The following SAMMSON variants were observed in gnomAD, a reference collection of about 807,000 sequenced individuals.
SAMMSON encodes the protein survival associated mitochondrial melanoma specific oncogenic non-coding RNA.
intron 2 of SAMMSON, among the ~76,000 whole-genome samples, chr3:70,397,424 C>G (rs976260578): frequency 2.0e-5 from 3 of 152,076 alleles, no homozygotes; most frequent in Admixed American, 1.3e-4. Context: ...TCCACTCAGT[C>G]TCCCAAGTAG....
At chr3:70,147,249 T>G (rs2067552759) in intron 4 of SAMMSON, among the ~76,000 whole-genome samples, 1 of 152,106 alleles carries the variant, frequency 6.6e-6, no homozygotes, top group Non-Finnish European at 1.5e-5. Context: ...ATTTCCTAAT[T>G]GATCTATAGA....
In SAMMSON at chr3:70,227,969, G is replaced by T. The variant is rs1022486196; in HGVS notation, n.508-21138G>T. Reference sequence around the variant, plus strand: ...ATAGGTGAATAGTATAACATTCATAGTAAGTATAATATAATAAATAATATT... The same window carrying T: ...ATAGGTGAATAGTATAACATTCATATTAAGTATAATATAATAAATAATATT... On this transcript the variant is annotated intron_variant and non_coding_transcript_variant, in intron 4 of 9. Transcript: ENST00000642114. Among the ~76,000 whole-genome samples the T allele has an allele frequency of 2.0e-5, 3 of 151,682 alleles. No homozygotes were observed. The South Asian group carries it at 6.2e-4, about 31-fold the overall frequency.
chr3:70,009,562 A>G (rs2066945022), intron 1 of SAMMSON, among the ~76,000 whole-genome samples: 1 of 151,848 alleles, frequency 6.6e-6, no homozygotes, highest in South Asian at 2.1e-4. Flanking sequence ...CAGTCTATCA[A>G]TTTTGTTGAT....
chr3:70,252,308 A>G (rs1394425429), intron 6 of SAMMSON, among the ~76,000 whole-genome samples: 2 of 152,136 alleles, frequency 1.3e-5, no homozygotes, highest in East Asian at 1.9e-4. Flanking sequence ...CCATTGGTGT[A>G]TGGTGTGGCG....
intron 4 of SAMMSON, among the ~76,000 whole-genome samples, chr3:70,240,149 C>A (rs552244846): frequency 6.6e-6 from 1 of 151,882 alleles, no homozygotes; most frequent in Non-Finnish European, 1.5e-5. Context: ...AAATAAGAGA[C>A]GTATTTTAAA....
At chr3:70,175,804 A>T (rs964760008) in intron 4 of SAMMSON, among the ~76,000 whole-genome samples, 2 of 152,102 alleles carry the variant, frequency 1.3e-5, no homozygotes, top group African/African-American at 4.8e-5. Context: ...TCCTAGCACA[A>T]AATTTCTCTC....
intron 4 of SAMMSON, among the ~76,000 whole-genome samples, chr3:70,148,337 C>A (rs2067557467): frequency 6.6e-6 from 1 of 152,060 alleles, no homozygotes; most frequent in Non-Finnish European, 1.5e-5. Context: ...GAATTATTAT[C>A]CTCAGAATGA....
chr3:70,391,122 G>T (rs767314433), downstream of SAMMSON, among the ~76,000 whole-genome samples: 1 of 152,116 alleles, frequency 6.6e-6, no homozygotes, highest in Admixed American at 6.6e-5. Flanking sequence ...CTTCACCTTC[G>T]CAGCTGAGAC....
chr3:70,016,199 A>G (rs2066984352), intron 3 of SAMMSON, among the ~76,000 whole-genome samples: 1 of 152,080 alleles, frequency 6.6e-6, no homozygotes, highest in Non-Finnish European at 1.5e-5. Context: ...AAGTGTTCCT[A>G]TTTCTCCACA....
intron 2 of SAMMSON, among the ~76,000 whole-genome samples, chr3:70,433,647 A>C (rs1417522145): frequency 6.6e-6 from 1 of 152,096 alleles, no homozygotes; most frequent in Non-Finnish European, 1.5e-5. Flanking sequence ...AGAAGTTTTA[A>C]AATTTTAATG....
At chr3:70,347,137 C>G (rs1025743292) in intron 7 of SAMMSON, among the ~76,000 whole-genome samples, 1 of 152,154 alleles carries the variant, frequency 6.6e-6, no homozygotes, top group African/African-American at 2.4e-5. Context: ...AATTTAATAG[C>G]AAACCAGACT....
At chr3:70,370,398 G>A (rs548222246) in intron 9 of SAMMSON, among the ~76,000 whole-genome samples, 7 of 151,744 alleles carry the variant, frequency 4.6e-5, no homozygotes, top group African/African-American at 1.4e-4. Flanking sequence ...GGTTTTCCGT[G>A]GTGGGTTCTA....
intron 4 of SAMMSON, among the ~76,000 whole-genome samples, chr3:70,140,893 T>C (rs999089466): frequency 1.3e-5 from 2 of 152,206 alleles, no homozygotes. Flanking sequence ...ACCAACGTTC[T>C]GTTCGTGACC....
At chr3:70,337,038 CT>C (rs970898936) in intron 7 of SAMMSON, among the ~76,000 whole-genome samples, 3 of 128,946 alleles carry the variant, frequency 2.3e-5, no homozygotes, top group East Asian at 2.0e-4. Flanking sequence ...ATAATAATAT[CT>C]AACTTAATAT....
intron 1 of SAMMSON, among the ~76,000 whole-genome samples, chr3:70,005,704 T>C (rs1168791814): frequency 1.3e-5 from 2 of 152,138 alleles, no homozygotes; most frequent in African/African-American, 4.8e-5. Flanking sequence ...TGGAGGGAAG[T>C]CGTCTTTGGA....
At chr3:70,048,233 A>T (rs2107588514) in intron 3 of SAMMSON, among the ~76,000 whole-genome samples, 1 of 152,202 alleles carries the variant, frequency 6.6e-6, no homozygotes, top group East Asian at 1.9e-4. Context: ...ATCTAGTGGA[A>T]AGGGCAAACT....
In SAMMSON at chr3:70,315,852, A is replaced by G. The variant is rs1702490319; in HGVS notation, n.739+24609A>G. 2.0e-5 allele frequency among the ~76,000 whole-genome samples: 3 copies of G among 152,136 alleles called. No individual in the cohort carries two copies. In the South Asian group the frequency reaches 6.2e-4, roughly 32 times the overall value. ...CAAGCCAGCCTAGGACATCAGGCAA[A>G]TCTGATTAGAATCCAAGAAGAGTAA... On this transcript the variant is annotated intron_variant and non_coding_transcript_variant, in intron 7 of 9. Coordinates refer to ENST00000642114, the Ensembl canonical transcript of SAMMSON.
chr3:70,075,868 A>G (rs2067246655), intron 4 of SAMMSON, among the ~76,000 whole-genome samples: 1 of 125,388 alleles, frequency 8.0e-6, no homozygotes. Context: ...TATAATTGTT[A>G]TTTTTCGATA....
At chr3:70,368,119 G>A (rs138428895) in intron 9 of SAMMSON, among the ~76,000 whole-genome samples, 1,627 of 151,246 alleles carry the variant, frequency 0.011, 109 homozygotes, top group Admixed American at 0.09. Context: ...TTTAATAATA[G>A]TAAGTTCTAT....
Sources: allele counts gnomAD v4.1 joint callset (sites outside exome capture counted in the v4.1 genomes callset), GRCh38; gene constraint gnomAD v4.1.1; transcripts MANE v1.5; gene names NCBI Gene and HGNC (gene_info 2026-07-23, HGNC 2026-07-21).